DLGAP2: variants seen among roughly 807,000 people sequenced by gnomAD.
DLGAP2 encodes DLG associated protein 2.
Under a neutral mutation model 100.3 loss-of-function variants are expected in DLGAP2, and 26 were observed. That is an observed-to-expected ratio of 0.26 (90% CI 0.19 to 0.36). The LOEUF (loss-of-function observed/expected upper bound fraction) is 0.36, where lower values mean the gene tolerates loss of function less well. Ranked by LOEUF, DLGAP2 falls within the 10% of genes least tolerant of loss-of-function variation. DLGAP2 has a pLI of 1.00. For synonymous variants in DLGAP2, 886 were observed against 630.1 expected, an observed-to-expected ratio of 1.41 and a Z score of -6.08; for missense variants, 1,858 against 1,453.2, an observed-to-expected ratio of 1.28 and a Z score of -4.53.
intron 2 of DLGAP2, among the ~76,000 whole-genome samples, chr8:1,053,697 T>C (rs1466069003): frequency 1.3e-5 from 2 of 152,148 alleles, no homozygotes; most frequent in African/African-American, 4.8e-5. Flanking sequence ...CTGCCTGACA[T>C]ATTGGGTGCT....
chr8:1,007,638 G>C (rs958099179), intron 2 of DLGAP2, among the ~76,000 whole-genome samples: 6 of 141,414 alleles, frequency 4.2e-5, no homozygotes, highest in Non-Finnish European at 9.5e-5. Flanking sequence ...TTTTTTTTGG[G>C]GGGGGGATCT....
chr8:961,032 G>T (rs977708720), intron 2 of DLGAP2, among the ~76,000 whole-genome samples: 1 of 149,550 alleles, frequency 6.7e-6, no homozygotes, highest in African/African-American at 2.5e-5. Flanking sequence ...ATTCTGCACA[G>T]ACCCCCATGT....
At chr8:1,219,495 A>C (rs1161425347) in intron 2 of DLGAP2, among the ~76,000 whole-genome samples, 1 of 152,156 alleles carries the variant, frequency 6.6e-6, no homozygotes, top group Non-Finnish European at 1.5e-5. Context: ...TAGCATCTTA[A>C]TGTGCTGCTG....
chr8:1,567,849 A>T (rs865905213), intron 6 of DLGAP2, among the ~76,000 whole-genome samples: 1 of 152,228 alleles, frequency 6.6e-6, no homozygotes, highest in South Asian at 2.1e-4. Context: ...TCCCTGCCCA[A>T]GTGGGAAACC....
At chr8:799,861 T>G (rs916547242) in intron 1 of DLGAP2, among the ~76,000 whole-genome samples, 8 of 152,068 alleles carry the variant, frequency 5.3e-5, no homozygotes, top group Admixed American at 2.0e-4. Context: ...CCTCTCAGAG[T>G]GCTGGGATGA....
At chr8:1,252,299 T>G (rs1022361579) in intron 2 of DLGAP2, among the ~76,000 whole-genome samples, 3 of 151,736 alleles carry the variant, frequency 2.0e-5, no homozygotes, top group South Asian at 2.1e-4. Context: ...CAATGTGGTG[T>G]TGTCATGTGG....
chr8:1,306,331 A>G (rs1420647091), intron 3 of DLGAP2, among the ~76,000 whole-genome samples: 2 of 152,154 alleles, frequency 1.3e-5, no homozygotes, highest in Non-Finnish European at 2.9e-5. Context: ...AAATAATTGC[A>G]TTTATAATCG....
At chr8:1,420,910 T>A (rs980406338) in intron 3 of DLGAP2, among the ~76,000 whole-genome samples, 3 of 152,222 alleles carry the variant, frequency 2.0e-5, no homozygotes, top group African/African-American at 7.2e-5. Flanking sequence ...GGCAAGGGTC[T>A]TTCTTTCTTG....
chr8:1,243,415 C>T (rs950868581), intron 2 of DLGAP2, among the ~76,000 whole-genome samples: 13 of 152,204 alleles, frequency 8.5e-5, no homozygotes, highest in South Asian at 6.2e-4. Context: ...TGCGCAGCTG[C>T]CTGGCCTGCA....
In DLGAP2 at chr8:1,570,050, C is replaced by G. The variant is rs142743003; in HGVS notation, c.1442+4156C>G. On this transcript the variant is annotated intron_variant, in intron 6 of 14. Coordinates refer to ENST00000637795, the MANE Select transcript of DLGAP2 (RefSeq NM_001346810.2). ...GGACTGGGAGAATTCCCATAGTTGT[C>G]ACTCTGTAACCCTGTGTTTCCAGGA... Among the ~76,000 whole-genome samples, 16 of 152,342 alleles carry G rather than the reference C, an allele frequency of 1.1e-4. No homozygotes were observed. In the East Asian group the frequency reaches 3.1e-3, roughly 29 times the overall value.
At position 1,691,564 on chromosome 8, in the gene DLGAP2, A is replaced by G. The variant is rs1799261184; in HGVS notation, c.2734A>G (p.Ser912Gly). 1.2e-6 allele frequency: 2 copies of G among 1,614,036 alleles called. No homozygotes were observed. Residue 912 changes from serine (S) to glycine (G), a missense_variant, in exon 13 of 15, where the codon AGT (serine) becomes GGT (glycine). Transcript: ENST00000637795. The stretch of plus-strand genomic sequence containing the variant: ...CGGTAAAATCAGGAGTGCTGTTGGG[A>G]GTGCCCAGCTTCTCATGTCCCAGAA... ...ILGKIRSAVG[S>G]AQLLMSQKFQ...
intron 2 of DLGAP2, among the ~76,000 whole-genome samples, chr8:960,034 A>C (rs1303253628): frequency 6.6e-6 from 1 of 152,092 alleles, no homozygotes; most frequent in African/African-American, 2.4e-5. Context: ...TCTGTTAGAA[A>C]GTAATAAAAT....
intron 2 of DLGAP2, among the ~76,000 whole-genome samples, chr8:1,256,225 C>CCCTCTCCTGCCCGGGTGCTGTGTGTGTGT (rs1563044684): frequency 5.1e-4 from 26 of 50,938 alleles, no homozygotes; most frequent in African/African-American, 2.1e-3. Context: ...TGTGTGTGTG[C>CCCTCTCCTGCCCGGGTGCTGTGTGTGTGT]CCTCTCCTGC....
At chr8:1,193,022 A>G (rs7014490) in intron 2 of DLGAP2, among the ~76,000 whole-genome samples, 6 of 151,956 alleles carry the variant, frequency 3.9e-5, no homozygotes, top group African/African-American at 1.5e-4. Flanking sequence ...TTATGGCTGC[A>G]TAGTATTCCA....
rs1021003426 is a variant in DLGAP2, at chr8:1,068,484, C to T, written c.73+160518C>T. 3.9e-5 allele frequency among the ~76,000 whole-genome samples: 6 copies of T among 152,306 alleles called. No individual in the cohort carries two copies. In the East Asian group the frequency reaches 5.8e-4, roughly 15 times the overall value. On this transcript the variant is annotated intron_variant, in intron 2 of 14. Coordinates refer to ENST00000637795, the MANE Select transcript of DLGAP2 (RefSeq NM_001346810.2). ...GAGGCTGTCTGTGCTGGGTTTTGGC[C>T]TTGCTCAGTGGTGTGCAGGGAGGTC... is the stretch of plus-strand genomic sequence containing the variant.
At chr8:1,506,592 C>T (rs917017725) in intron 4 of DLGAP2, among the ~76,000 whole-genome samples, 1 of 152,146 alleles carries the variant, frequency 6.6e-6, no homozygotes, top group Non-Finnish European at 1.5e-5. Flanking sequence ...CCACACTGCC[C>T]AAGACGATCT....
chr8:912,602 C>T (rs1026887533), intron 2 of DLGAP2, among the ~76,000 whole-genome samples: 1 of 151,926 alleles, frequency 6.6e-6, no homozygotes, highest in Non-Finnish European at 1.5e-5. Context: ...TTGGAGCCGG[C>T]TCCTGCTCCG....
At chr8:1,350,319 C>T (rs58482949) in intron 3 of DLGAP2, among the ~76,000 whole-genome samples, 9,776 of 28,376 alleles carry the variant, frequency 0.34, 2,626 homozygotes, top group East Asian at 0.77. Flanking sequence ...GGGTCCTGAG[C>T]GTGCGTGGAA....
chr8:853,657 A>G (rs989225999), intron 1 of DLGAP2, among the ~76,000 whole-genome samples: 2 of 152,238 alleles, frequency 1.3e-5, no homozygotes, highest in African/African-American at 4.8e-5. Context: ...TCTAGGGAGC[A>G]GTCTCAGGCC....
Sources: gnomAD v4.1 joint callset for allele counts (sites outside exome capture counted in the v4.1 genomes callset) on GRCh38, gnomAD v4.1.1 for gene constraint, MANE v1.5 for transcripts, NCBI Gene and HGNC (gene_info 2026-07-23, HGNC 2026-07-21) for gene names.